WIPF2: variants seen among roughly 807,000 people sequenced by gnomAD.
WIPF2 encodes WAS/WASL-interacting protein family member 2.
Under a neutral mutation model 38.8 loss-of-function variants are expected in WIPF2, and 23 were observed. That is an observed-to-expected ratio of 0.59 (90% CI 0.43 to 0.84). The LOEUF (loss-of-function observed/expected upper bound fraction) is 0.84, where lower values mean the gene tolerates loss of function less well. Among genes scored for constraint, WIPF2 ranks in the 40% least tolerant of loss-of-function variants. The probability of loss-of-function intolerance (pLI) is 0.00; values close to 1 mark genes in which losing one functional copy is unlikely to be tolerated. For synonymous variants in WIPF2, 210 were observed against 223.2 expected, an observed-to-expected ratio of 0.94 and a Z score of 0.53; for missense variants, 574 against 580.5, an observed-to-expected ratio of 0.99 and a Z score of 0.11.
intron 1 of WIPF2, among the ~76,000 whole-genome samples, chr17:40,232,549 C>T (rs1444257581): frequency 6.6e-6 from 1 of 151,828 alleles, no homozygotes. Context: ...TCTCGAATTC[C>T]TGAGCTCAAG....
At chr17:40,243,401 AT>A (rs2031256601) in intron 1 of WIPF2, among the ~76,000 whole-genome samples, 2 of 152,180 alleles carry the variant, frequency 1.3e-5, no homozygotes, top group South Asian at 2.1e-4. Context: ...TGTTAAAAAA[AT>A]ATGTTTGAAA....
intron 2 of WIPF2, among the ~76,000 whole-genome samples, chr17:40,257,223 T>A (rs915308787): frequency 6.6e-6 from 1 of 152,004 alleles, no homozygotes; most frequent in Admixed American, 6.6e-5. Context: ...GTGATCCTCC[T>A]GCCTTGGCCT....
chr17:40,247,846 A>C (rs890260478), intron 1 of WIPF2, among the ~76,000 whole-genome samples: 2 of 152,168 alleles, frequency 1.3e-5, no homozygotes, highest in African/African-American at 4.8e-5. Flanking sequence ...ATTGATACTA[A>C]TGGGCCACCA....
Position 40,282,719 on chromosome 17 carries a change from A to G in WIPF2, c.*4494A>G, listed in dbSNP as rs996489064. ...TGAAAATTGTGTACTCTTGTCTGGA[A>G]TACCGCCTCAGGTGGTGGCACAGAG... On this transcript the variant is annotated 3_prime_UTR_variant, in exon 8 of 8. Transcript: ENST00000323571. 6.6e-6 allele frequency: 1 copy of G among 152,184 alleles called. No individual in the cohort carries two copies. The highest frequency in any genetic ancestry group is 1.5e-5 in the Non-Finnish European group (1 of 68,040). The allele number at this position is 152,184 out of a possible 1,614,324, so 9.4% of individuals were successfully genotyped here.
At chr17:40,233,989 G>A (rs533864089) in intron 1 of WIPF2, among the ~76,000 whole-genome samples, 2 of 151,880 alleles carry the variant, frequency 1.3e-5, no homozygotes, top group African/African-American at 4.8e-5. Context: ...CCTGAATGTG[G>A]GAGACAGAGG....
intron 1 of WIPF2, among the ~76,000 whole-genome samples, chr17:40,254,217 A>G (rs536570851): frequency 3.9e-5 from 6 of 152,036 alleles, no homozygotes; most frequent in Admixed American, 1.3e-4. Context: ...GGATTTCACC[A>G]TGTTGTCCAG....
At chr17:40,267,882 G>A (rs115105121) in intron 5 of WIPF2, among the ~76,000 whole-genome samples, 2 of 152,122 alleles carry the variant, frequency 1.3e-5, no homozygotes, top group African/African-American at 4.8e-5. Context: ...GATGGCTCAC[G>A]CCTTAATCCC....
At chr17:40,275,240 C>CAAAAAAA (rs58914738) in intron 6 of WIPF2, among the ~76,000 whole-genome samples, 5 of 60,156 alleles carry the variant, frequency 8.3e-5, no homozygotes, top group Admixed American at 1.7e-4. Context: ...GACTCCGTCT[C>CAAAAAAA]AAAAAAAAAA....
At chr17:40,222,274 G>C (rs1395601028) in intron 1 of WIPF2, among the ~76,000 whole-genome samples, 2 of 151,690 alleles carry the variant, frequency 1.3e-5, no homozygotes, top group Non-Finnish European at 2.9e-5. Flanking sequence ...GGCTGGTCTC[G>C]AACTCCTGAC....
chr17:40,230,786 T>C (rs2030707944), intron 1 of WIPF2, among the ~76,000 whole-genome samples: 1 of 152,168 alleles, frequency 6.6e-6, no homozygotes, highest in African/African-American at 2.4e-5. Context: ...GTTGACTGTT[T>C]TAAAAATAAT....
chr17:40,261,145 G>A (rs182761073), intron 3 of WIPF2, among the ~76,000 whole-genome samples: 5 of 151,484 alleles, frequency 3.3e-5, no homozygotes, highest in African/African-American at 1.2e-4. Context: ...GAAACCTCTT[G>A]ACTGAAACCA....
intron 1 of WIPF2, among the ~76,000 whole-genome samples, chr17:40,246,109 TC>T (rs1166296659): frequency 1.3e-5 from 2 of 149,860 alleles, no homozygotes; most frequent in Non-Finnish European, 1.5e-5. Flanking sequence ...TTTTTTTTTT[TC>T]CTGAGTCTCA....
At chr17:40,246,886 C>T (rs1198848605) in intron 1 of WIPF2, among the ~76,000 whole-genome samples, 2 of 151,654 alleles carry the variant, frequency 1.3e-5, no homozygotes, top group Non-Finnish European at 2.9e-5. Context: ...CCGAGGTGGG[C>T]GGATCACGAC....
intron 1 of WIPF2, among the ~76,000 whole-genome samples, chr17:40,220,927 C>T (rs753182395): frequency 3.0e-4 from 45 of 151,634 alleles, no homozygotes; most frequent in Non-Finnish European, 5.3e-4. Flanking sequence ...AGGTGCCCAC[C>T]ACCACACCTG....
At chr17:40,268,875 A>G (rs1416251764) in intron 5 of WIPF2, among the ~76,000 whole-genome samples, 3 of 152,202 alleles carry the variant, frequency 2.0e-5, no homozygotes, top group Non-Finnish European at 4.4e-5. Context: ...TCTCACCTGT[A>G]AAATGTACAT....
chr17:40,244,602 C>T (rs2031298528), intron 1 of WIPF2, among the ~76,000 whole-genome samples: 1 of 152,102 alleles, frequency 6.6e-6, no homozygotes, highest in Non-Finnish European at 1.5e-5. Context: ...GAGTGTGAAG[C>T]TGTCGGTTCA....
intron 1 of WIPF2, among the ~76,000 whole-genome samples, chr17:40,228,046 C>T (rs1422563734): frequency 1.3e-4 from 13 of 100,254 alleles, no homozygotes; most frequent in African/African-American, 3.2e-4. Flanking sequence ...GACGGAGTCT[C>T]GCTCTGTCGC....
intron 1 of WIPF2, among the ~76,000 whole-genome samples, chr17:40,229,278 A>C (rs1442054498): frequency 6.7e-6 from 1 of 150,210 alleles, no homozygotes; most frequent in Non-Finnish European, 1.5e-5. Context: ...CGCCCGGCTA[A>C]TTTTGTATTT....
intron 5 of WIPF2, among the ~76,000 whole-genome samples, chr17:40,271,749 G>A (rs368095484): frequency 3.3e-5 from 5 of 152,204 alleles, no homozygotes; most frequent in East Asian, 3.8e-4. Flanking sequence ...CTTCGCATGT[G>A]TGGCTATAAG....
Sources: gnomAD v4.1 joint callset for allele counts (sites outside exome capture counted in the v4.1 genomes callset) on GRCh38, gnomAD v4.1.1 for gene constraint, MANE v1.5 for transcripts, NCBI Gene and HGNC (gene_info 2026-07-23, HGNC 2026-07-21) for gene names.